Variants in HAVCR2 observed in about 807,000 individuals in gnomAD.
HAVCR2 encodes hepatitis A virus cellular receptor 2.
Under a neutral mutation model 24.7 loss-of-function variants are expected in HAVCR2, and 13 were observed. The observed-to-expected ratio is 0.53, with a 90% CI of 0.34 to 0.84. The LOEUF (loss-of-function observed/expected upper bound fraction) is 0.84. Among genes scored for constraint, HAVCR2 ranks in the 40% least tolerant of loss-of-function variants. HAVCR2 has a pLI of 0.01. For missense variants in HAVCR2, 343 were observed against 371.2 expected, an observed-to-expected ratio of 0.92 and a Z score of 0.62; for synonymous variants, 154 against 143.4, an observed-to-expected ratio of 1.07 and a Z score of -0.53.
chr5:157,088,920 A>G (rs1422471733), intron 6 of HAVCR2, 21 bp downstream of exon 6: 1 of 1,603,164 alleles, frequency 6.2e-7, no homozygotes, highest in African/African-American at 1.3e-5. Flanking sequence ...CCTTTTCCCA[A>G]CCCCATTCCA....
chr5:157,096,026 G>A (rs574286549), intron 4 of HAVCR2, among the ~76,000 whole-genome samples: 1 of 152,068 alleles, frequency 6.6e-6, no homozygotes, highest in South Asian at 2.1e-4. Flanking sequence ...AGGAGTTTGA[G>A]ACCAGCCTGG....
chr5:157,093,685 G>A (rs1394545499), intron 5 of HAVCR2, among the ~76,000 whole-genome samples: 3 of 152,146 alleles, frequency 2.0e-5, no homozygotes, highest in Non-Finnish European at 2.9e-5. Context: ...AGTGGCTCAC[G>A]CCTGTAATCC....
chr5:157,104,339 A>G (rs2113694261), intron 3 of HAVCR2, among the ~76,000 whole-genome samples: 1 of 152,376 alleles, frequency 6.6e-6, no homozygotes, highest in East Asian at 1.9e-4. Context: ...ATGACCAAAC[A>G]TCACCAGTCC....
intron 1 of HAVCR2, 46 bp from the exon 2 acceptor site, chr5:157,107,008 G>C: frequency 6.7e-7 from 1 of 1,494,660 alleles, no homozygotes; most frequent in Non-Finnish European, 9.1e-7. Flanking sequence ...GGTGAGTGAG[G>C]TTACTCCATT....
chr5:157,095,293 CA>C lies in HAVCR2; in HGVS notation c.676+12del. ...ATTTGTTATCAGAGGGAGAGAGAAA[CA>C]AAAACACTTACATTTGAAAATTAAA... On this transcript the variant is annotated intron_variant, in intron 5 of 6. Coordinates refer to ENST00000307851, the MANE Select transcript of HAVCR2 (RefSeq NM_032782.5). 6.2e-7 allele frequency: 1 copy of C among 1,611,942 alleles called. No homozygotes were observed. The highest frequency in any genetic ancestry group is 1.7e-5 in the Admixed American group (1 of 59,456).
At chr5:157,092,904 A>AAAAAAAAAAAAAAAAAAAAAAAAAAAT (rs1757027216) in intron 5 of HAVCR2, among the ~76,000 whole-genome samples, 1 of 111,388 alleles carries the variant, frequency 9.0e-6, no homozygotes, top group Non-Finnish European at 1.8e-5. Context: ...AAAAAAAAAA[A>AAAAAAAAAAAAAAAAAAAAAAAAAAAT]AAAAAAAAAA....
intron 3 of HAVCR2, among the ~76,000 whole-genome samples, chr5:157,101,161 A>C (rs1050292379): frequency 6.6e-6 from 1 of 152,226 alleles, no homozygotes; most frequent in East Asian, 1.9e-4. Context: ...AGTGCACATA[A>C]GATTTTAAAT....
intron 4 of HAVCR2, among the ~76,000 whole-genome samples, chr5:157,096,484 A>G (rs900493413): frequency 2.0e-5 from 3 of 152,142 alleles, no homozygotes; most frequent in Non-Finnish European, 4.4e-5. Context: ...TCTCTCTTTA[A>G]AAACAATGAT....
chr5:157,095,939 T>C (rs1757089166), intron 4 of HAVCR2, among the ~76,000 whole-genome samples: 1 of 152,010 alleles, frequency 6.6e-6, no homozygotes. Flanking sequence ...AAATCCCAGC[T>C]CTGAGGCCGG....
chr5:157,108,086 T>C (rs1757277981), intron 1 of HAVCR2, among the ~76,000 whole-genome samples: 1 of 152,072 alleles, frequency 6.6e-6, no homozygotes, highest in Non-Finnish European at 1.5e-5. Flanking sequence ...ATATTTTATA[T>C]ATGATAAAAC....
In HAVCR2 at chr5:157,093,730, A is replaced by T. The variant is rs1035031745; in HGVS notation, c.676+1576T>A. Among the ~76,000 whole-genome samples, 3 of 152,144 alleles carry T rather than the reference A, an allele frequency of 2.0e-5. No homozygotes were observed. The East Asian group carries it at 5.8e-4, about 29-fold the overall frequency. The stretch of plus-strand genomic sequence containing the variant: ...GGGAGGTCGAGGTGGACGGATCACA[A>T]GGTCAGGAGATCAAGAACATCTTGC... On this transcript the variant is annotated intron_variant, in intron 5 of 6. Transcript: ENST00000307851.
intron 4 of HAVCR2, among the ~76,000 whole-genome samples, chr5:157,097,155 G>A (rs1757105445): frequency 6.6e-6 from 1 of 151,960 alleles, no homozygotes; most frequent in Non-Finnish European, 1.5e-5. Flanking sequence ...TGCAAAGAGA[G>A]AAGGAGCAAA....
At chr5:157,089,881 G>T (rs866262236) in intron 5 of HAVCR2, among the ~76,000 whole-genome samples, 1 of 152,140 alleles carries the variant, frequency 6.6e-6, no homozygotes, top group Non-Finnish European at 1.5e-5. Context: ...CAGGAGTCTG[G>T]ATTTTATTCT....
intron 4 of HAVCR2, 68 bp downstream of exon 4, chr5:157,098,790 A>T: frequency 7.0e-7 from 1 of 1,422,854 alleles, no homozygotes; most frequent in African/African-American, 1.4e-5. Context: ...GTGGGCATGA[A>T]GGAAGTCTAA....
rs1354987068 is a variant in HAVCR2, at chr5:157,086,094, G to C, written c.*1008C>G. 1 of 150,976 alleles carries C rather than the reference G, an allele frequency of 6.6e-6. No homozygotes were observed. The highest frequency in any genetic ancestry group is 1.5e-5 in the Non-Finnish European group (1 of 68,030). 9.4% of individuals were successfully genotyped at this position (150,976 alleles called of 1,614,324 possible). On this transcript the variant is annotated 3_prime_UTR_variant, in exon 7 of 7. Coordinates refer to ENST00000307851, the MANE Select transcript of HAVCR2 (RefSeq NM_032782.5). ...AGCTTCAGTTTGGTCCACGAATACA[G>C]AAGTTGGTCAGAGATATTTTCTTTC...
intron 3 of HAVCR2, among the ~76,000 whole-genome samples, chr5:157,101,771 A>AT (rs397797524): frequency 0.031 from 3,853 of 125,094 alleles, 134 homozygotes; most frequent in African/African-American, 0.08. Flanking sequence ...GCTCTACTCC[A>AT]TTTTTTTTTT....
chr5:157,089,856 C>T (rs930821100), intron 5 of HAVCR2, among the ~76,000 whole-genome samples: 1 of 152,050 alleles, frequency 6.6e-6, no homozygotes. Context: ...CCAATAAGAC[C>T]TTTCCAGCCA....
In HAVCR2 at chr5:157,106,629, G is replaced by C; in HGVS notation, c.392C>G (p.Pro131Arg). The change falls in exon 2 of 7, where the codon CCA becomes CGA. Residue 131 changes from proline to arginine, a missense_variant and splice_region_variant. Physicochemically the swap from Pro to Arg is moderately radical, Grantham distance 103 (BLOSUM62 -2). Transcript: ENST00000307851. ...EKFNLKLVIK[P>R]AKVTPAPTRQ... ...ATGGCATGCAAATGTCCACTCACCT[G>C]GTTTGATGACCAACTTCAGGTTAAA... 6.2e-7 allele frequency: 1 copy of C among 1,612,474 alleles called. No homozygotes were observed. Among genetic ancestry groups the C allele is most frequent in the Non-Finnish European group, 8.5e-7 (1 of 1,178,534 alleles).
At chr5:157,094,352 T>C (rs563793466) in intron 5 of HAVCR2, among the ~76,000 whole-genome samples, 1 of 151,748 alleles carries the variant, frequency 6.6e-6, no homozygotes, top group African/African-American at 2.4e-5. Flanking sequence ...GCCATTGTAT[T>C]TATTTATTTA....
Sources: gnomAD v4.1 joint callset for allele counts (sites outside exome capture counted in the v4.1 genomes callset) on GRCh38, gnomAD v4.1.1 for gene constraint, MANE v1.5 for transcripts, NCBI Gene and HGNC (gene_info 2026-07-23, HGNC 2026-07-21) for gene names.